The following PRKAR1A variants were observed in gnomAD, a reference collection of about 807,000 sequenced individuals.
PRKAR1A encodes the protein cAMP-dependent protein kinase type I-alpha regulatory subunit.
A neutral mutation model predicts 52.0 loss-of-function variants in PRKAR1A; 3 were observed. That is an observed-to-expected ratio of 0.06 (90% confidence interval 0.03 to 0.15). PRKAR1A has a LOEUF of 0.15. PRKAR1A is among the 10% of genes least tolerant of loss of function. The pLI is 1.00. For missense variants in PRKAR1A, 240 were observed against 477.4 expected, an observed-to-expected ratio of 0.50 and a Z score of 4.63; for synonymous variants, 188 against 168.4, an observed-to-expected ratio of 1.12 and a Z score of -0.90.
intron 6 of PRKAR1A, 42 bp downstream of exon 6, chr17:68,525,000 C>T: frequency 6.7e-7 from 1 of 1,490,408 alleles, no homozygotes; most frequent in East Asian, 2.3e-5. Flanking sequence ...TCTTAAAAGC[C>T]AATGTATTGA....
chr17:68,483,121 G>GT, the PRKAR1A span, among the ~76,000 whole-genome samples: 20,523 of 148,290 alleles, frequency 0.14, 1,461 homozygotes, highest in African/African-American at 0.18. Context: ...TCTAGTTTGA[G>GT]TTTTTTTTTT....
chr17:68,519,845 A>G (rs890366230), intron 2 of PRKAR1A, among the ~76,000 whole-genome samples: 8 of 152,232 alleles, frequency 5.3e-5, no homozygotes, highest in Admixed American at 1.3e-4. Flanking sequence ...AGCACTTTAT[A>G]TACATAAATA....
the PRKAR1A span, among the ~76,000 whole-genome samples, chr17:68,491,330 G>A: frequency 6.6e-6 from 1 of 152,166 alleles, no homozygotes; most frequent in Non-Finnish European, 1.5e-5. Context: ...GAGCTTAGGT[G>A]ATCTGCCCGC....
At chr17:68,437,556 A>G in the PRKAR1A span, among the ~76,000 whole-genome samples, 1 of 149,510 alleles carries the variant, frequency 6.7e-6, no homozygotes, top group Admixed American at 6.7e-5. Context: ...TGTCTTAAGA[A>G]AAAAAAAAAA....
the PRKAR1A span, among the ~76,000 whole-genome samples, chr17:68,479,968 A>G: frequency 6.6e-6 from 1 of 152,192 alleles, no homozygotes; most frequent in African/African-American, 2.4e-5. Context: ...CTCACTCACT[A>G]TCATGAGAAC....
At chr17:68,512,596 CGCAGCCGGTTT>C (rs2085293367) in intron 1 of PRKAR1A, 48 bp downstream of exon 1, 1 of 152,622 alleles carries the variant, frequency 6.6e-6, no homozygotes, top group East Asian at 1.9e-4. Context: ...TTCGTCGCTT[CGCAGCCGGTTT>C]GCGGGAGCTG....
At chr17:68,525,629 CATA>C in intron 6 of PRKAR1A, 122 bp from the exon 7 acceptor site, 1 of 1,059,774 alleles carries the variant, frequency 9.4e-7, no homozygotes, top group South Asian at 1.3e-5. Context: ...GTACTGCAAA[CATA>C]ATATATTCTG....
chr17:68,518,128 C>T (rs1384237765), intron 2 of PRKAR1A, among the ~76,000 whole-genome samples: 2 of 152,252 alleles, frequency 1.3e-5, no homozygotes, highest in African/African-American at 2.4e-5. Context: ...TACAGCCCCC[C>T]TCCTGGCTGC....
the PRKAR1A span, among the ~76,000 whole-genome samples, chr17:68,436,820 A>G: frequency 6.6e-6 from 1 of 152,056 alleles, no homozygotes; most frequent in Admixed American, 6.6e-5. Flanking sequence ...AACATGGTGA[A>G]ACCCCATCTC....
exon 12 of PRKAR1A, chr17:68,551,308 G>T: frequency 2.4e-6 from 1 of 419,418 alleles, no homozygotes; most frequent in Non-Finnish European, 4.1e-6. Flanking sequence ...ATAAATTAAT[G>T]TAAACATGTA....
At chr17:68,543,730 A>T in intron 11 of PRKAR1A, 1 of 1,612,698 alleles carries the variant, frequency 6.2e-7, no homozygotes, top group Non-Finnish European at 8.5e-7. Context: ...GTCTGGAAGG[A>T]AGGAAGGAAT....
the PRKAR1A span, among the ~76,000 whole-genome samples, chr17:68,457,735 C>A: frequency 6.6e-6 from 1 of 152,062 alleles, no homozygotes; most frequent in Non-Finnish European, 1.5e-5. Flanking sequence ...CACCGCCCCC[C>A]TTGGCCAATC....
rs973798706 is a variant in PRKAR1A at position 68,532,476 on chromosome 17, A to G, written c.*2027A>G. 11 of 1,061,472 alleles carry G rather than the reference A, an allele frequency of 1.0e-5. No homozygotes were observed. The highest frequency in any genetic ancestry group is 1.1e-6 in the Non-Finnish European group (1 of 875,594). The allele number at this position is 1,061,472 out of a possible 1,614,324, so 65.8% of individuals were successfully genotyped here. A position where few individuals can be genotyped will look rare whatever the true frequency, so the allele number is the denominator to read the frequency against. On this transcript the variant is annotated 3_prime_UTR_variant, in exon 11 of 11. Transcript: ENST00000589228. Reference sequence around the variant, plus strand: ...TTTAAAGATAAGTCTACATTAAACAATGATCACATCTAAAGCTTTATCTTT... The same window carrying G: ...TTTAAAGATAAGTCTACATTAAACAGTGATCACATCTAAAGCTTTATCTTT...
In PRKAR1A at chr17:68,533,298, T is replaced by C; in HGVS notation, c.*2849T>C. 9.4e-7 allele frequency: 1 copy of C among 1,064,116 alleles called. No individual in the cohort carries two copies. Among genetic ancestry groups the C allele is most frequent in the South Asian group, 4.6e-5 (1 of 21,964 alleles). 65.9% of individuals were successfully genotyped at this position (1,064,116 alleles called of 1,614,324 possible). On this transcript the variant is annotated 3_prime_UTR_variant, in exon 11 of 11. Transcript: ENST00000589228. ...CACATCCAGTGAAATTGGAGATATG[T>C]TGTATGTTAGAAGAGCATTCTTTAA... is the stretch of plus-strand genomic sequence containing the variant.
intron 2 of PRKAR1A, among the ~76,000 whole-genome samples, chr17:68,520,718 G>A (rs1356096637): frequency 6.6e-6 from 1 of 152,154 alleles, no homozygotes; most frequent in Non-Finnish European, 1.5e-5. Flanking sequence ...TCAGATTGCT[G>A]TTTTTAAAAG....
At chr17:68,421,841 T>C in the PRKAR1A span, 6 of 1,614,030 alleles carry the variant, frequency 3.7e-6, no homozygotes, top group Middle Eastern at 1.6e-4. Context: ...CAAAACAGAA[T>C]GGCCTTACTC....
intron 2 of PRKAR1A, 155 bp downstream of exon 2, chr17:68,515,731 G>A: frequency 2.1e-6 from 2 of 943,344 alleles, no homozygotes; most frequent in Non-Finnish European, 1.6e-6. Context: ...TAAGGCATTT[G>A]TAGTAATTTA....
chr17:68,428,896 C>T, the PRKAR1A span: 1 of 1,614,012 alleles, frequency 6.2e-7, no homozygotes, highest in Admixed American at 1.7e-5. Flanking sequence ...TAAAGGTGTC[C>T]ACTGGATGAC....
the PRKAR1A span, chr17:68,434,770 T>C: frequency 7.9e-6 from 6 of 757,722 alleles, no homozygotes; most frequent in African/African-American, 3.5e-5. Flanking sequence ...GGCATGTTTA[T>C]TTATGTGCCA....
Sources: gnomAD v4.1 joint callset for allele counts (sites outside exome capture counted in the v4.1 genomes callset) on GRCh38, gnomAD v4.1.1 for gene constraint, MANE v1.5 for transcripts, NCBI Gene and HGNC (gene_info 2026-07-23, HGNC 2026-07-21) for gene names.